The following AGMO variants were observed in gnomAD, a reference collection of about 807,000 sequenced individuals.
AGMO encodes the protein glyceryl-ether monooxygenase.
Under a neutral mutation model 60.2 loss-of-function variants are expected in AGMO, and 75 were observed. The ratio of observed to expected loss-of-function variants is 1.25; its 90% confidence interval spans 1.03 to 1.51. The LOEUF is 1.51. Among genes scored for constraint, AGMO ranks in the 40% most tolerant of loss-of-function variants. The pLI is 0.00. For synonymous variants in AGMO, 261 were observed against 177.1 expected (o/e 1.47, Z -3.76); for missense variants, 763 against 525.5 (o/e 1.45, Z -4.42).
chr7:15,191,222 C>G, the AGMO span, among the ~76,000 whole-genome samples: 2 of 152,052 alleles, frequency 1.3e-5, no homozygotes, highest in African/African-American at 4.8e-5. Flanking sequence ...TTAGACCATT[C>G]AAGGATCAGC....
At position 15,513,693 on chromosome 7, in the gene AGMO, C is replaced by T. The variant is rs181166635; in HGVS notation, c.409+31079G>A. Among the ~76,000 whole-genome samples, 24 of 152,200 alleles carry T rather than the reference C, an allele frequency of 1.6e-4. 1 individual carries two copies. Among genetic ancestry groups the T allele is most frequent in the African/African-American group, 4.3e-4 (18 of 41,524 alleles). On this transcript the variant is annotated intron_variant, in intron 3 of 12. Coordinates refer to ENST00000342526, the MANE Select transcript of AGMO (RefSeq NM_001004320.2). ...TGTTTTCAAGATTGGGCTTGGAGAT[C>T]TCTCACTATTTTGGCATCTCTCTGA...
At chr7:15,327,324 T>C (rs1475995774) in intron 12 of AGMO, among the ~76,000 whole-genome samples, 1 of 152,072 alleles carries the variant, frequency 6.6e-6, no homozygotes, top group African/African-American at 2.4e-5. Context: ...AAGAAATAAG[T>C]GTTGGAGAAG....
intron 5 of AGMO, among the ~76,000 whole-genome samples, chr7:15,402,463 T>C (rs1391494916): frequency 1.3e-5 from 2 of 151,656 alleles, no homozygotes; most frequent in African/African-American, 2.4e-5. Context: ...TGCATACTTA[T>C]CTAAAAAGTG....
the AGMO span, among the ~76,000 whole-genome samples, chr7:15,126,902 T>C: frequency 6.6e-6 from 1 of 152,140 alleles, no homozygotes; most frequent in Non-Finnish European, 1.5e-5. Flanking sequence ...CTCTGAAGTC[T>C]GCTATCTGAG....
At chr7:15,478,826 G>A (rs1221294318) in intron 3 of AGMO, among the ~76,000 whole-genome samples, 2 of 152,176 alleles carry the variant, frequency 1.3e-5, no homozygotes, top group Middle Eastern at 3.4e-3. Context: ...TCAAGTTAAT[G>A]ATTTGGTTTT....
At chr7:15,296,536 C>G (rs1388256302) in intron 12 of AGMO, among the ~76,000 whole-genome samples, 1 of 151,932 alleles carries the variant, frequency 6.6e-6, no homozygotes, top group East Asian at 1.9e-4. Flanking sequence ...CCACTCTTTT[C>G]TCACCTCCTT....
chr7:15,216,472 A>T (rs1305719628), intron 12 of AGMO, among the ~76,000 whole-genome samples: 1 of 152,100 alleles, frequency 6.6e-6, no homozygotes, highest in Non-Finnish European at 1.5e-5. Context: ...TGATTTTCAC[A>T]CTGTAACAGT....
At chr7:15,146,828 A>G in the AGMO span, among the ~76,000 whole-genome samples, 3 of 152,194 alleles carry the variant, frequency 2.0e-5, no homozygotes, top group Non-Finnish European at 4.4e-5. Context: ...GTAGCATCTC[A>G]AAATCAGTGA....
At chr7:15,372,150 T>A (rs923543384) in intron 10 of AGMO, among the ~76,000 whole-genome samples, 1 of 101,772 alleles carries the variant, frequency 9.8e-6, no homozygotes, top group Non-Finnish European at 2.0e-5. Flanking sequence ...CAGTTGAACG[T>A]CTCTAAAGTC....
At chr7:15,486,910 G>C (rs1450920183) in intron 3 of AGMO, among the ~76,000 whole-genome samples, 1 of 152,126 alleles carries the variant, frequency 6.6e-6, no homozygotes, top group Non-Finnish European at 1.5e-5. Context: ...ACAAAACAAA[G>C]AACCACTAAG....
chr7:15,453,877 G>A (rs7796053), intron 3 of AGMO, among the ~76,000 whole-genome samples: 121,093 of 151,122 alleles, frequency 0.8, 49,500 homozygotes, highest in African/African-American at 0.87. Flanking sequence ...CTCAGGGATT[G>A]TTTTTAAAAT....
At chr7:15,257,977 T>C (rs958260790) in intron 12 of AGMO, among the ~76,000 whole-genome samples, 1 of 152,212 alleles carries the variant, frequency 6.6e-6, no homozygotes, top group Non-Finnish European at 1.5e-5. Flanking sequence ...AACCGCATTT[T>C]CAATGATCTA....
intron 3 of AGMO, among the ~76,000 whole-genome samples, chr7:15,527,242 G>C (rs961823591): frequency 3.3e-5 from 5 of 152,128 alleles, no homozygotes; most frequent in African/African-American, 1.2e-4. Context: ...CCAAGTAGTG[G>C]ATATCCAGCA....
chr7:15,449,095 T>C (rs1310497528), intron 3 of AGMO, among the ~76,000 whole-genome samples: 1 of 152,070 alleles, frequency 6.6e-6, no homozygotes, highest in Non-Finnish European at 1.5e-5. Context: ...TAATGCAAAG[T>C]TTGTTGTTTA....
intron 4 of AGMO, among the ~76,000 whole-genome samples, chr7:15,422,429 T>C (rs1780951287): frequency 6.6e-6 from 1 of 151,932 alleles, no homozygotes; most frequent in South Asian, 2.1e-4. Flanking sequence ...AACCTAAGGA[T>C]TAGACCAACG....
chr7:15,215,965 A>G (rs1423636305), intron 12 of AGMO, among the ~76,000 whole-genome samples: 2 of 152,020 alleles, frequency 1.3e-5, no homozygotes, highest in African/African-American at 4.8e-5. Flanking sequence ...TATTTATTTC[A>G]CTGAAATACC....
chr7:15,402,631 T>G (rs12535241), intron 5 of AGMO, among the ~76,000 whole-genome samples: 12,273 of 147,460 alleles, frequency 0.083, 702 homozygotes, highest in South Asian at 0.14. Flanking sequence ...TTAAATATAT[T>G]AAATATAAAT....
In AGMO at chr7:15,354,379, T is replaced by TATAGACGTGTGTATACACGTGTGTGTAC. The variant is rs1186632664; in HGVS notation, c.1263+11134_1263+11135insGTACACACACGTGTATACACACGTCTAT. On this transcript the variant is annotated intron_variant, in intron 12 of 12. Coordinates refer to ENST00000342526, the MANE Select transcript of AGMO (RefSeq NM_001004320.2). ...AGACGTGTGTATATAGACGTGTGTA[T>TATAGACGTGTGTATACACGTGTGTGTAC]ACACGTGTGTGTATACACGTGTGTG... 3.7e-4 allele frequency among the ~76,000 whole-genome samples: 20 copies of TATAGACGTGTGTATACACGTGTGTGTAC among 54,396 alleles called. 1 individual carries two copies. Among genetic ancestry groups the TATAGACGTGTGTATACACGTGTGTGTAC allele is most frequent in the Non-Finnish European group, 5.4e-4 (17 of 31,574 alleles). The allele number at this position is 54,396 out of a possible 152,430, so 35.7% of individuals were successfully genotyped here.
intron 12 of AGMO, among the ~76,000 whole-genome samples, chr7:15,286,487 A>G (rs1453000512): frequency 6.6e-6 from 1 of 152,124 alleles, no homozygotes; most frequent in East Asian, 1.9e-4. Flanking sequence ...GAACATCACT[A>G]ATCATCAAGA....
Sources: gnomAD v4.1 joint callset for allele counts (sites outside exome capture counted in the v4.1 genomes callset) on GRCh38, gnomAD v4.1.1 for gene constraint, MANE v1.5 for transcripts, NCBI Gene and HGNC (gene_info 2026-07-23, HGNC 2026-07-21) for gene names.